The following CD163L1 variants were observed in gnomAD, a reference collection of about 807,000 sequenced individuals.
CD163L1 encodes the protein scavenger receptor cysteine-rich type 1 protein M160.
A neutral mutation model predicts 165.4 loss-of-function variants in CD163L1; 124 were observed. That is an observed-to-expected ratio of 0.75 (90% CI 0.65 to 0.87). CD163L1 has a LOEUF of 0.87. CD163L1 is among the 40% of genes least tolerant of loss of function. The pLI, the probability that CD163L1 is intolerant of heterozygous loss-of-function variation, is 0.00. For synonymous variants in CD163L1, 585 were observed against 662.2 expected, an observed-to-expected ratio of 0.88 and a Z score of 1.79; for missense variants, 1,525 against 1,799.9, an observed-to-expected ratio of 0.85 and a Z score of 2.76.
chr12:7,364,333 T>C (rs181605096), intron 18 of CD163L1, among the ~76,000 whole-genome samples: 127 of 152,276 alleles, frequency 8.3e-4, no homozygotes, highest in Non-Finnish European at 1.2e-3. Context: ...GCTAATATGA[T>C]ACTAAATGGG....
intron 4 of CD163L1, among the ~76,000 whole-genome samples, chr12:7,418,234 C>T (rs151012073): frequency 6.6e-6 from 1 of 151,994 alleles, no homozygotes. Flanking sequence ...AAAAGAAACC[C>T]TCAAAACAAT....
At position 7,347,150 on chromosome 12, in the gene CD163L1, A is replaced by G. The variant is rs929254061; in HGVS notation, c.*25-3T>C. Reference sequence around the variant, plus strand: ...AACATCACCCACATATCAAGATTCTATTTTTAAAGAAATTAATTGTAAGTG... The same window carrying G: ...AACATCACCCACATATCAAGATTCTGTTTTTAAAGAAATTAATTGTAAGTG... On this transcript the variant is annotated splice_polypyrimidine_tract_variant and splice_region_variant and intron_variant, in intron 4 of 4. Transcript: ENST00000539726. This position sits in a 1 kb window ranked among gnomAD's most constrained non-coding sequence, Gnocchi z 4.2. 3 of 152,290 alleles carry G rather than the reference A, an allele frequency of 2.0e-5. No individual in the cohort carries two copies. The East Asian group carries it at 5.8e-4, about 29-fold the overall frequency. 9.4% of individuals were successfully genotyped at this position (152,290 alleles called of 1,614,324 possible).
At chr12:7,321,383 A>C in the CD163L1 span, among the ~76,000 whole-genome samples, 4 of 152,230 alleles carry the variant, frequency 2.6e-5, no homozygotes, top group African/African-American at 9.6e-5. Context: ...TCAATACATG[A>C]GGAGAGAAAG....
intron 6 of CD163L1, among the ~76,000 whole-genome samples, chr12:7,401,567 C>T (rs866056067): frequency 8.6e-5 from 13 of 151,876 alleles, no homozygotes; most frequent in South Asian, 2.1e-4. Flanking sequence ...TTTTTAACAG[C>T]AAAAATTTGA....
intron 18 of CD163L1, among the ~76,000 whole-genome samples, chr12:7,358,225 C>T (rs1946820331): frequency 6.6e-6 from 1 of 152,020 alleles, no homozygotes; most frequent in South Asian, 2.1e-4. Flanking sequence ...CTGTAATTGA[C>T]AAATTGCTGT....
At chr12:7,357,970 A>G (rs936193566) in intron 18 of CD163L1, among the ~76,000 whole-genome samples, 3 of 152,158 alleles carry the variant, frequency 2.0e-5, no homozygotes, top group African/African-American at 7.2e-5. Flanking sequence ...AAGAGTAATT[A>G]TTTGAACTTC....
intron 5 of CD163L1, among the ~76,000 whole-genome samples, chr12:7,405,852 T>C (rs1016762184): frequency 5.3e-5 from 8 of 152,194 alleles, no homozygotes; most frequent in African/African-American, 1.9e-4. Context: ...GTGGGTTTAA[T>C]CTTATTAAGA....
At chr12:7,322,779 G>A in the CD163L1 span, among the ~76,000 whole-genome samples, 4,523 of 152,208 alleles carry the variant, frequency 0.03, 237 homozygotes, top group African/African-American at 0.1. Flanking sequence ...TCTCAGAGGC[G>A]TTAGCGGGTG....
intron 6 of CD163L1, among the ~76,000 whole-genome samples, chr12:7,399,990 A>T (rs1947885802): frequency 6.6e-6 from 1 of 152,196 alleles, no homozygotes; most frequent in Non-Finnish European, 1.5e-5. Context: ...CAATTTCTTT[A>T]CTTGCTATCC....
At chr12:7,352,041 C>T (rs1035360518), downstream of CD163L1, among the ~76,000 whole-genome samples, 13 of 151,928 alleles carry the variant, frequency 8.6e-5, no homozygotes, top group African/African-American at 3.1e-4. Flanking sequence ...AGAATTTCAA[C>T]AAATAAAGTA....
intron 2 of CD163L1, chr12:7,439,881 C>G (rs1948793046): frequency 6.2e-7 from 1 of 1,607,652 alleles, no homozygotes; most frequent in African/African-American, 1.4e-5. Context: ...CGTCATTATC[C>G]CCGCCCACTA....
At chr12:7,421,012 T>TATATATATATACATATATATATATAC in intron 4 of CD163L1, among the ~76,000 whole-genome samples, 1 of 110,022 alleles carries the variant, frequency 9.1e-6, no homozygotes, top group Non-Finnish European at 1.9e-5. Context: ...TATATATACG[T>TATATATATATACATATATATATATAC]GTATATATAT....
chr12:7,360,319 T>A (rs899318385), intron 18 of CD163L1, among the ~76,000 whole-genome samples: 6 of 152,006 alleles, frequency 3.9e-5, no homozygotes, highest in African/African-American at 1.4e-4. Context: ...ATTTTTGTAT[T>A]TTTAGTAGAG....
At chr12:7,437,130 A>T (rs898928259) in intron 2 of CD163L1, among the ~76,000 whole-genome samples, 2 of 110,122 alleles carry the variant, frequency 1.8e-5, no homozygotes, top group Admixed American at 1.0e-4. Context: ...ATTTTTATTT[A>T]TTTTATTTAT....
chr12:7,375,510 C>T lies in CD163L1; in HGVS notation c.2772G>A (p.Leu924=), dbSNP rs770263388. ...EINVLGHWGS[L]CDTHWDPEDA... The stretch of plus-strand genomic sequence containing the variant: ...CTTCTGGGTCCCAGTGGGTGTCACA[C>T]AGTGAGCCCCAGTGTCCAAGCACGT... Residue 924 remains leucine (L), a synonymous_variant, in exon 11 of 20, where the codon CTG becomes CTA. Coordinates refer to ENST00000313599, the MANE Select transcript of CD163L1 (RefSeq NM_174941.6). 2.5e-6 allele frequency: 4 copies of T among 1,614,070 alleles called. No homozygotes were observed. The South Asian group carries it at 3.3e-5, about 13-fold the overall frequency.
chr12:7,337,983 C>T, the CD163L1 span, among the ~76,000 whole-genome samples: 5 of 152,190 alleles, frequency 3.3e-5, no homozygotes, highest in East Asian at 9.6e-4. Flanking sequence ...TAGTATGCAG[C>T]CATAAAAAAG....
chr12:7,428,065 T>A (rs925487064), intron 4 of CD163L1, among the ~76,000 whole-genome samples: 1 of 152,092 alleles, frequency 6.6e-6, no homozygotes, highest in Admixed American at 6.6e-5. Context: ...CTGAATCAGA[T>A]AATTTCTGGT....
chr12:7,403,733 G>C lies in CD163L1; in HGVS notation c.1210C>G (p.Leu404Val), dbSNP rs776638814. The C allele has an allele frequency of 7.4e-6, 12 of 1,613,978 alleles. No individual in the cohort carries two copies. In the South Asian group the frequency reaches 1.3e-4, roughly 18 times the overall value. ...CDQNWKNEQALVVCKQLGCPF... is the reference protein window; with the variant it reads ...CDQNWKNEQAVVVCKQLGCPF... ...CATCCTAGCTGCTTACAAACCACAAGGGCTTGTTCATTCTTCCAGTTCTGG... is the reference window on the plus strand; with the variant it reads ...CATCCTAGCTGCTTACAAACCACAACGGCTTGTTCATTCTTCCAGTTCTGG... Residue 404 changes from leucine (L) to valine (V), a missense_variant, in exon 6 of 20, where the codon CTT becomes GTT. By Grantham distance (32) the Leu-to-Val change is conservative. Coordinates refer to ENST00000313599, the MANE Select transcript of CD163L1 (RefSeq NM_174941.6).
chr12:7,423,432 A>C (rs1948477420), intron 4 of CD163L1, among the ~76,000 whole-genome samples: 1 of 152,080 alleles, frequency 6.6e-6, no homozygotes, highest in Non-Finnish European at 1.5e-5. Flanking sequence ...AGAGAAGGAG[A>C]GCATACAAAT....
Sources: allele counts gnomAD v4.1 joint callset (sites outside exome capture counted in the v4.1 genomes callset), GRCh38; gene constraint gnomAD v4.1.1; non-coding constraint Gnocchi (gnomAD v3.1); transcripts MANE v1.5; gene names NCBI Gene and HGNC (gene_info 2026-07-23, HGNC 2026-07-21).